Variants in DOT1L observed in about 807,000 individuals in gnomAD.
The protein encoded by DOT1L is histone-lysine N-methyltransferase, H3 lysine-79 specific.
In DOT1L, 33 loss-of-function variants were observed where a neutral mutation model predicts 153.3. The ratio of observed to expected loss-of-function variants is 0.22; its 90% confidence interval spans 0.16 to 0.29. The LOEUF (loss-of-function observed/expected upper bound fraction) is 0.29, where lower values mean the gene tolerates loss of function less well. Ranked by LOEUF, DOT1L falls within the 10% of genes least tolerant of loss-of-function variation. DOT1L has a pLI of 1.00. For missense variants in DOT1L, 1,847 were observed against 2,119.9 expected (o/e 0.87, Z 2.53); for synonymous variants, 1,135 against 965.1 (o/e 1.18, Z -3.26).
chr19:2,229,868 CCTGCCGGG>C lies in DOT1L; in HGVS notation c.*79_*86del, dbSNP rs1229363142. 1.2e-6 allele frequency: 2 copies of C among 1,610,606 alleles called. No individual in the cohort carries two copies. Among genetic ancestry groups the C allele is most frequent in the East Asian group, 2.2e-5 (1 of 44,876 alleles). On this transcript the variant is annotated 3_prime_UTR_variant, in exon 28 of 28. Transcript: ENST00000398665. Reference sequence around the variant, plus strand: ...GCGCCCGCGGCATGGTGCCCGCCGGCCTGCCGGGCTCCCACCCCTGGACGGCAGAGGCA... The same window carrying C: ...GCGCCCGCGGCATGGTGCCCGCCGGCCTCCCACCCCTGGACGGCAGAGGCA...
intron 27 of DOT1L, chr19:2,228,215 G>A (rs1414977456): frequency 7.3e-7 from 1 of 1,363,680 alleles, no homozygotes; most frequent in South Asian, 1.1e-5. Context: ...ACCAGCCCCT[G>A]CCCCGGCTGG....
Position 2,196,733 on chromosome 19 carries a change from C to T in DOT1L, c.651+2156C>T, listed in dbSNP as rs74661323. Reference sequence around the variant, plus strand: ...CTTTCCTCTCCCTTTCCCGTACCCTCGTGCTGGCCGGCGCTGGCATTTCCC... The same window carrying T: ...CTTTCCTCTCCCTTTCCCGTACCCTTGTGCTGGCCGGCGCTGGCATTTCCC... On this transcript the variant is annotated intron_variant, in intron 7 of 27. Coordinates refer to ENST00000398665, the MANE Select transcript of DOT1L (RefSeq NM_032482.3). Among the ~76,000 whole-genome samples, 1,089 of 152,268 alleles carry T rather than the reference C, an allele frequency of 7.2e-3. 14 individuals are homozygous for T. The highest frequency in any genetic ancestry group is 0.025 in the African/African-American group (1,045 of 41,538).
At chr19:2,194,688 G>GCTGTTGGCACACCA in intron 7 of DOT1L, 111 bp downstream of exon 7, 1 of 1,262,256 alleles carries the variant, frequency 7.9e-7, no homozygotes, top group Non-Finnish European at 1.1e-6. Flanking sequence ...TTGGCACATG[G>GCTGTTGGCACACCA]TGTGCCCCCT....
At chr19:2,181,391 G>A (rs1176747440) in intron 2 of DOT1L, among the ~76,000 whole-genome samples, 1 of 152,118 alleles carries the variant, frequency 6.6e-6, no homozygotes, top group South Asian at 2.1e-4. Context: ...TGAGGACACC[G>A]CCCGTGCCCA....
In DOT1L at chr19:2,230,452, G is replaced by A. The variant is rs144983547; in HGVS notation, c.*660G>A. On this transcript the variant is annotated 3_prime_UTR_variant, in exon 28 of 28. Coordinates refer to ENST00000398665, the MANE Select transcript of DOT1L (RefSeq NM_032482.3). ...GGGTTGCGCCCTTGCATGTGAAGGG[G>A]CCTGCGCGGTGACGCAGCTGGCCAT... 2,025 of 399,642 alleles carry A rather than the reference G, an allele frequency of 5.1e-3. 8 individuals are homozygous for A. Among genetic ancestry groups the A allele is most frequent in the Middle Eastern group, 0.014 (23 of 1,588 alleles). The allele number at this position is 399,642 out of a possible 1,614,324, so 24.8% of individuals were successfully genotyped here. A position where few individuals can be genotyped will look rare whatever the true frequency, so the allele number is the denominator to read the frequency against.
rs894751286 is a variant in DOT1L, at chr19:2,230,231, C to T, written c.*439C>T. ...CTGACTAGACGCTGACAACGCCGAA[C>T]CCCGTTCTCGGAAACGCCGCCCGGC... On this transcript the variant is annotated 3_prime_UTR_variant, in exon 28 of 28. Coordinates refer to ENST00000398665, the MANE Select transcript of DOT1L (RefSeq NM_032482.3). 29 of 414,716 alleles carry T rather than the reference C, an allele frequency of 7.0e-5. No individual in the cohort carries two copies. The highest frequency in any genetic ancestry group is 1.2e-3 in the Middle Eastern group (2 of 1,644). 25.7% of individuals were successfully genotyped at this position (414,716 alleles called of 1,614,324 possible).
Position 2,220,121 on chromosome 19 carries a change from G to A in DOT1L, c.2705G>A (p.Ser902Asn). 6.2e-7 allele frequency: 1 copy of A among 1,610,586 alleles called. No homozygotes were observed. Among genetic ancestry groups the A allele is most frequent in the Non-Finnish European group, 8.5e-7 (1 of 1,177,504 alleles). The change falls in exon 23 of 28, where the codon AGT becomes AAT. Residue 902 changes from serine to asparagine, a missense_variant. By Grantham distance (46) the Ser-to-Asn change is conservative. Transcript: ENST00000398665. The surrounding 1 kb of genome is among the most constrained non-coding windows in gnomAD (Gnocchi z 4.5). ...TTCTCTCTGCAGAGGAGCACCCCCA[G>A]TCCCGTGCTGCAGCCCCGTGACCCC... is the stretch of plus-strand genomic sequence containing the variant. ...SRAERARSTP[S>N]PVLQPRDPSS...
In DOT1L at chr19:2,223,190, G is replaced by A. The variant is rs992867213; in HGVS notation, c.3391-91G>A. On this transcript the variant is annotated intron_variant, in intron 24 of 27. Coordinates refer to ENST00000398665, the MANE Select transcript of DOT1L (RefSeq NM_032482.3). ...CAGTTTCCTCAGGAGACCCTGGGGT[G>A]CAGACAGGAGCCTCCTGGGGCGGGG... 5.6e-6 allele frequency: 8 copies of A among 1,422,486 alleles called. No homozygotes were observed. In the African/African-American group the frequency reaches 5.7e-5, roughly 10 times the overall value. 88.1% of individuals were successfully genotyped at this position (1,422,486 alleles called of 1,614,324 possible).
In DOT1L at chr19:2,231,382, C is replaced by A; in HGVS notation, c.*1590C>A. 1 of 206,480 alleles carries A rather than the reference C, an allele frequency of 4.8e-6. No individual in the cohort carries two copies. Among genetic ancestry groups the A allele is most frequent in the Non-Finnish European group, 9.9e-6 (1 of 101,024 alleles). 12.8% of individuals were successfully genotyped at this position (206,480 alleles called of 1,614,324 possible). A position where few individuals can be genotyped will look rare whatever the true frequency, so the allele number is the denominator to read the frequency against. On this transcript the variant is annotated 3_prime_UTR_variant, in exon 28 of 28. Coordinates refer to ENST00000398665, the MANE Select transcript of DOT1L (RefSeq NM_032482.3). ...ACACGTCACATCCCTACCACGTGGCCTCCAAAGGGAGCCACGGAGGAAAGG... is the reference window on the plus strand; with the variant it reads ...ACACGTCACATCCCTACCACGTGGCATCCAAAGGGAGCCACGGAGGAAAGG...
At chr19:2,181,062 C>T (rs1037430761) in intron 2 of DOT1L, among the ~76,000 whole-genome samples, 14 of 152,216 alleles carry the variant, frequency 9.2e-5, no homozygotes, top group Non-Finnish European at 1.3e-4. Context: ...TTCACCCTCA[C>T]GCGCCCTCGA....
intron 27 of DOT1L, 141 bp downstream of exon 27, chr19:2,227,268 C>A: frequency 1.8e-6 from 2 of 1,108,042 alleles, no homozygotes; most frequent in Non-Finnish European, 2.7e-6. Flanking sequence ...GCCATCCGTG[C>A]ACGGTGGCGA....
At position 2,226,728 on chromosome 19, in the gene DOT1L, A is replaced by G. The variant is rs1289503531; in HGVS notation, c.4207A>G (p.Thr1403Ala). 1.9e-6 allele frequency: 3 copies of G among 1,556,528 alleles called. No homozygotes were observed. Among genetic ancestry groups the G allele is most frequent in the South Asian group, 1.2e-5 (1 of 83,552 alleles). The stretch of plus-strand genomic sequence containing the variant: ...ACCGCTGTGCGGGCCCACGGACAAG[A>G]CCCCACTGCTGAGCGGCAAGGCCGC... ...GLPLCGPTDK[T>A]PLLSGKAAKA... The change falls in exon 27 of 28, where the codon ACC becomes GCC. Residue 1403 changes from threonine (T) to alanine (A), a missense_variant. Coordinates refer to ENST00000398665, the MANE Select transcript of DOT1L (RefSeq NM_032482.3).
At chr19:2,179,521 G>A (rs2022125218) in intron 1 of DOT1L, among the ~76,000 whole-genome samples, 1 of 152,206 alleles carries the variant, frequency 6.6e-6, no homozygotes, top group South Asian at 2.1e-4. Flanking sequence ...AAAAAGACAT[G>A]GGCTGGCTGG....
At chr19:2,171,176 G>C (rs2021599180) in intron 1 of DOT1L, among the ~76,000 whole-genome samples, 2 of 152,180 alleles carry the variant, frequency 1.3e-5, no homozygotes, top group Non-Finnish European at 2.9e-5. Flanking sequence ...CCAGGCTAGT[G>C]GTAACTTTGA....
chr19:2,167,219 C>T (rs1287588383), intron 1 of DOT1L, among the ~76,000 whole-genome samples: 2 of 152,130 alleles, frequency 1.3e-5, no homozygotes, highest in South Asian at 2.1e-4. Flanking sequence ...AGGGGTGGAC[C>T]GCACGGCCTG....
At chr19:2,209,125 C>T in intron 12 of DOT1L, 149 bp downstream of exon 12, 1 of 757,642 alleles carries the variant, frequency 1.3e-6, no homozygotes, top group South Asian at 1.9e-5. Context: ...TTTCCCGCCT[C>T]CTTCCTGCTC....
chr19:2,219,196 G>A (rs1428209632), intron 22 of DOT1L, among the ~76,000 whole-genome samples: 2 of 152,134 alleles, frequency 1.3e-5, no homozygotes, highest in African/African-American at 4.8e-5. Context: ...TAATAGAGGT[G>A]GAGGTTTTGC....
chr19:2,168,094 T>C (rs1189698192), intron 1 of DOT1L, among the ~76,000 whole-genome samples: 1 of 152,062 alleles, frequency 6.6e-6, no homozygotes, highest in East Asian at 1.9e-4. Context: ...GAATACTCAG[T>C]GTTGTGGGGG....
chr19:2,176,396 C>T (rs925445995), intron 1 of DOT1L, among the ~76,000 whole-genome samples: 10 of 152,144 alleles, frequency 6.6e-5, no homozygotes, highest in Admixed American at 5.2e-4. Context: ...GCAGAGGGCA[C>T]GGCTCGCGGG....
Sources: allele counts gnomAD v4.1 joint callset (sites outside exome capture counted in the v4.1 genomes callset), GRCh38; gene constraint gnomAD v4.1.1; non-coding constraint Gnocchi (gnomAD v3.1); transcripts MANE v1.5; gene names NCBI Gene and HGNC (gene_info 2026-07-23, HGNC 2026-07-21).